Variants in PAK5 observed in about 807,000 individuals in gnomAD.
PAK5 encodes serine/threonine-protein kinase PAK 5.
A neutral mutation model predicts 65.9 loss-of-function variants in PAK5; 16 were observed. The observed-to-expected ratio is 0.24, with a 90% CI of 0.16 to 0.37. The LOEUF (loss-of-function observed/expected upper bound fraction) is 0.37, where lower values mean the gene tolerates loss of function less well. Among genes scored for constraint, PAK5 ranks in the 10% least tolerant of loss-of-function variants. The pLI, the probability that PAK5 is intolerant of heterozygous loss-of-function variation, is 1.00. For missense variants in PAK5, 785 were observed against 903.9 expected (o/e 0.87, Z 1.69); for synonymous variants, 371 against 354.9 (o/e 1.05, Z -0.51).
At chr20:9,558,925 T>C (rs1372757273) in intron 6 of PAK5, among the ~76,000 whole-genome samples, 8 of 152,192 alleles carry the variant, frequency 5.3e-5, no homozygotes, top group South Asian at 4.1e-4. Context: ...CTGCCCAAGG[T>C]TGCGCAGCTA....
At chr20:9,551,310 G>T (rs757728081) in intron 7 of PAK5, among the ~76,000 whole-genome samples, 7 of 152,120 alleles carry the variant, frequency 4.6e-5, no homozygotes, top group African/African-American at 1.7e-4. Context: ...AACCACCTTC[G>T]TCTCACTAAT....
At chr20:9,716,799 G>T (rs546384997) in intron 1 of PAK5, among the ~76,000 whole-genome samples, 1 of 152,098 alleles carries the variant, frequency 6.6e-6, no homozygotes, top group Non-Finnish European at 1.5e-5. Flanking sequence ...AAAGCAATCT[G>T]GGGGCCAGGT....
chr20:9,833,227 G>C (rs2123791791), intron 1 of PAK5, among the ~76,000 whole-genome samples: 1 of 152,222 alleles, frequency 6.6e-6, no homozygotes, highest in East Asian at 1.9e-4. Flanking sequence ...ACTCCTCACT[G>C]TTTCATAATG....
rs183831919 is a variant in PAK5, at chr20:9,638,309, G to C, written c.204+5816C>G. ...TGATATTTGCCAAATGTTTTAAAGG[G>C]AACCTCCCCCTTGGGGTATTCAGGT... On this transcript the variant is annotated intron_variant, in intron 3 of 9. Coordinates refer to ENST00000353224, the MANE Select transcript of PAK5 (RefSeq NM_177990.4). 1.2e-4 allele frequency among the ~76,000 whole-genome samples: 19 copies of C among 152,298 alleles called. 1 individual carries two copies. Among genetic ancestry groups the C allele is most frequent in the Admixed American group, 1.2e-3 (18 of 15,304 alleles).
chr20:9,674,131 A>C (rs1463912036), intron 2 of PAK5, among the ~76,000 whole-genome samples: 1 of 152,238 alleles, frequency 6.6e-6, no homozygotes, highest in Non-Finnish European at 1.5e-5. Context: ...CAGGAAGTCT[A>C]GCAGCAGAAA....
In PAK5 at chr20:9,565,943, T is replaced by G; in HGVS notation, c.1432A>C (p.Lys478Gln). 6.2e-7 allele frequency: 1 copy of G among 1,613,832 alleles called. No homozygotes were observed. Among genetic ancestry groups the G allele is most frequent in the Non-Finnish European group, 8.5e-7 (1 of 1,179,874 alleles). ...TGTTGCTTCCGGAGGTCCATTTTCTTCACTGCAACTTGTTTCCCTGTGTGT... is the reference window on the plus strand; with the variant it reads ...TGTTGCTTCCGGAGGTCCATTTTCTGCACTGCAACTTGTTTCCCTGTGTGT... The part of the protein sequence containing the change: ...EKHTGKQVAV[K>Q]KMDLRKQQRR... The change falls in exon 5 of 10, where the codon AAG becomes CAG. Residue 478 changes from lysine to glutamine, a missense_variant. Physicochemically the swap from Lys to Gln is moderately conservative, Grantham distance 53 (BLOSUM62 1). This residue lies in a region of PAK5 where 182 missense variants were observed against 273.0 expected (regional missense o/e 0.67). Coordinates refer to ENST00000353224, the MANE Select transcript of PAK5 (RefSeq NM_177990.4).
chr20:9,642,364 T>C (rs1422690527), intron 3 of PAK5, among the ~76,000 whole-genome samples: 1 of 152,218 alleles, frequency 6.6e-6, no homozygotes, highest in East Asian at 1.9e-4. Flanking sequence ...GGTGTGAGAA[T>C]GTTTCTTTAA....
At chr20:9,751,816 T>C (rs543163582) in intron 1 of PAK5, among the ~76,000 whole-genome samples, 2 of 152,226 alleles carry the variant, frequency 1.3e-5, no homozygotes, top group East Asian at 3.9e-4. Flanking sequence ...AAAAAACCCA[T>C]TTTAAAAGGA....
intron 3 of PAK5, among the ~76,000 whole-genome samples, chr20:9,634,332 A>T (rs918040768): frequency 2.6e-5 from 4 of 152,114 alleles, no homozygotes; most frequent in Non-Finnish European, 5.9e-5. Context: ...CAAATAGAAG[A>T]AGTGGTGGGT....
chr20:9,611,990 G>A (rs917629084), intron 3 of PAK5, among the ~76,000 whole-genome samples: 6 of 152,064 alleles, frequency 3.9e-5, no homozygotes, highest in Non-Finnish European at 8.8e-5. Flanking sequence ...CTCTTCTAGG[G>A]AGCCGTCCTG....
intron 2 of PAK5, among the ~76,000 whole-genome samples, chr20:9,706,035 A>G (rs534779656): frequency 6.6e-4 from 101 of 152,262 alleles, no homozygotes; most frequent in African/African-American, 2.3e-3. Context: ...CTGCTATTCA[A>G]TTGACACAAC....
At chr20:9,610,073 C>T (rs1007804126) in intron 3 of PAK5, among the ~76,000 whole-genome samples, 28 of 152,004 alleles carry the variant, frequency 1.8e-4, no homozygotes, top group African/African-American at 6.5e-4. Context: ...TCAAGCCTGC[C>T]CCCTGGTGTG....
At chr20:9,635,844 T>C (rs539561201) in intron 3 of PAK5, among the ~76,000 whole-genome samples, 1 of 152,182 alleles carries the variant, frequency 6.6e-6, no homozygotes, top group Non-Finnish European at 1.5e-5. Flanking sequence ...ACCTAATCTG[T>C]GAGCTTTAAG....
chr20:9,563,448 G>A (rs553035124), intron 5 of PAK5, among the ~76,000 whole-genome samples: 1 of 152,194 alleles, frequency 6.6e-6, no homozygotes, highest in African/African-American at 2.4e-5. Context: ...AGTCCCACAA[G>A]TGAATGAAGT....
chr20:9,623,279 G>C (rs903489925), intron 3 of PAK5, among the ~76,000 whole-genome samples: 1 of 152,066 alleles, frequency 6.6e-6, no homozygotes, highest in South Asian at 2.1e-4. Flanking sequence ...AAAAGGGAAG[G>C]TATCTGATCA....
chr20:9,644,310 T>C lies in PAK5; in HGVS notation c.19A>G (p.Lys7Glu). MFGKKK[K>E]KIEISGPSNF... ...GACGGGCCAGATATTTCAATCTTTT[T>C]CTTTTTCTTCCCAAACATGATGCCA... The change falls in exon 3 of 10, where the codon AAA becomes GAA. Residue 7 changes from lysine to glutamate, a missense_variant. This residue lies in a region of PAK5 where 71 missense variants were observed against 110.2 expected (regional missense o/e 0.64). Coordinates refer to ENST00000353224, the MANE Select transcript of PAK5 (RefSeq NM_177990.4). 2 of 1,610,156 alleles carry C rather than the reference T, an allele frequency of 1.2e-6. No homozygotes were observed. The highest frequency in any genetic ancestry group is 1.7e-6 in the Non-Finnish European group (2 of 1,178,842).
At chr20:9,809,613 G>GT (rs370639415) in intron 1 of PAK5, among the ~76,000 whole-genome samples, 221 of 152,152 alleles carry the variant, frequency 1.5e-3, no homozygotes, top group African/African-American at 4.8e-3. Flanking sequence ...TGTCATTATA[G>GT]TTTTTTTAAG....
chr20:9,637,137 A>G (rs1032022948), intron 3 of PAK5, among the ~76,000 whole-genome samples: 1 of 152,108 alleles, frequency 6.6e-6, no homozygotes, highest in Non-Finnish European at 1.5e-5. Flanking sequence ...AGTAGCCGGG[A>G]TGACAGGTGT....
intron 4 of PAK5, among the ~76,000 whole-genome samples, chr20:9,576,844 G>C (rs941931779): frequency 3.3e-5 from 5 of 152,200 alleles, no homozygotes; most frequent in Non-Finnish European, 7.3e-5. Flanking sequence ...TTACAGATCT[G>C]TGAGGCTCAA....
Sources: gnomAD v4.1 joint callset for allele counts (sites outside exome capture counted in the v4.1 genomes callset) on GRCh38, gnomAD v4.1.1 for gene constraint, gnomAD v4.1.1 regional missense constraint, MANE v1.5 for transcripts, NCBI Gene and HGNC (gene_info 2026-07-23, HGNC 2026-07-21) for gene names.